Variants in PSD2 observed in about 807,000 individuals in gnomAD.
PSD2 encodes the protein PH and SEC7 domain-containing protein 2.
PSD2 carries 38 observed loss-of-function variants against 69.8 expected under a neutral mutation model. That is an observed-to-expected ratio of 0.54 (90% confidence interval 0.42 to 0.71). The LOEUF is 0.71. Ranked by LOEUF, PSD2 falls within the 30% of genes least tolerant of loss-of-function variation. PSD2 has a pLI of 0.00. For synonymous variants in PSD2, 412 were observed against 423.0 expected, an observed-to-expected ratio of 0.97 and a Z score of 0.32; for missense variants, 943 against 1,014.5, an observed-to-expected ratio of 0.93 and a Z score of 0.96.
At chr5:139,801,833 C>T (rs1258677386) in intron 1 of PSD2, among the ~76,000 whole-genome samples, 1 of 152,210 alleles carries the variant, frequency 6.6e-6, no homozygotes, top group African/African-American at 2.4e-5. Context: ...GCAACTCCAT[C>T]CTTCTAGTTG....
At chr5:139,783,929 T>C in the PSD2 span, among the ~76,000 whole-genome samples, 1 of 146,218 alleles carries the variant, frequency 6.8e-6, no homozygotes, top group African/African-American at 2.5e-5. Flanking sequence ...TTCCCCTTTC[T>C]CCTTCTGCTA....
intron 1 of PSD2, among the ~76,000 whole-genome samples, chr5:139,796,283 G>A (rs1171250430): frequency 1.3e-5 from 2 of 152,118 alleles, no homozygotes; most frequent in African/African-American, 2.4e-5. Flanking sequence ...CTGCCGGGCC[G>A]ATTGTCTCCC....
At chr5:139,799,265 A>G (rs947162229) in intron 1 of PSD2, among the ~76,000 whole-genome samples, 13 of 152,168 alleles carry the variant, frequency 8.5e-5, no homozygotes, top group African/African-American at 3.1e-4. Context: ...TCTGCGCACC[A>G]GGTCAGCAAA....
chr5:139,767,710 A>C, the PSD2 span, among the ~76,000 whole-genome samples: 6 of 152,246 alleles, frequency 3.9e-5, no homozygotes, highest in Non-Finnish European at 7.3e-5. Context: ...CAGTCAGATG[A>C]GGATGATATT....
the PSD2 span, among the ~76,000 whole-genome samples, chr5:139,768,394 G>C: frequency 6.6e-6 from 1 of 152,152 alleles, no homozygotes; most frequent in Non-Finnish European, 1.5e-5. Context: ...CCCACTCACT[G>C]CCCTCTGTTT....
the PSD2 span, among the ~76,000 whole-genome samples, chr5:139,766,910 TTCCTTCCTTCCTTCCTTCCC>T: frequency 0.2 from 10,214 of 50,306 alleles, 1,418 homozygotes; most frequent in South Asian, 0.27. Context: ...TTTCCCTCCC[TTCCTTCCTTCCTTCCTTCCC>T]TTCTTTCTTT....
chr5:139,760,669 T>C, the PSD2 span, among the ~76,000 whole-genome samples: 7 of 152,130 alleles, frequency 4.6e-5, 1 homozygote, highest in Admixed American at 4.6e-4. Flanking sequence ...CCAGGCAGGC[T>C]CCTGGCACCC....
chr5:139,824,919 A>G (rs1760377823), intron 7 of PSD2, among the ~76,000 whole-genome samples: 1 of 151,912 alleles, frequency 6.6e-6, no homozygotes, highest in Admixed American at 6.5e-5. Context: ...GAGTCCCCAC[A>G]AAAAGAGCTC....
intron 8 of PSD2, among the ~76,000 whole-genome samples, chr5:139,834,522 A>G (rs1336370428): frequency 6.6e-6 from 1 of 151,566 alleles, no homozygotes; most frequent in African/African-American, 2.4e-5. Context: ...GCTGGTCACA[A>G]ACTCCTGGGC....
At chr5:139,783,922 C>CCCTTTCT in the PSD2 span, among the ~76,000 whole-genome samples, 4 of 133,746 alleles carry the variant, frequency 3.0e-5, no homozygotes, top group South Asian at 2.5e-4. Context: ...CTCCCCTTTC[C>CCCTTTCT]CCTTTCTCCT....
chr5:139,809,279 G>A, intron 1 of PSD2, 112 bp from the exon 2 acceptor site: 1 of 805,370 alleles, frequency 1.2e-6, no homozygotes, highest in South Asian at 1.8e-5. Flanking sequence ...AGGTCATCTT[G>A]GCCATCTCCC....
At chr5:139,788,056 A>C in the PSD2 span, among the ~76,000 whole-genome samples, 1 of 152,178 alleles carries the variant, frequency 6.6e-6, no homozygotes, top group African/African-American at 2.4e-5. Context: ...TTCCTTTCAG[A>C]GTGCGGGCGA....
the PSD2 span, among the ~76,000 whole-genome samples, chr5:139,789,617 T>G: frequency 6.6e-6 from 1 of 151,826 alleles, no homozygotes; most frequent in Non-Finnish European, 1.5e-5. Flanking sequence ...AGAAACTCAC[T>G]CAACAAACTA....
chr5:139,805,449 A>G (rs773262357), intron 1 of PSD2, among the ~76,000 whole-genome samples: 1 of 152,212 alleles, frequency 6.6e-6, no homozygotes, highest in Non-Finnish European at 1.5e-5. Flanking sequence ...TGTGCCAAGC[A>G]TTGCACTGGA....
the PSD2 span, among the ~76,000 whole-genome samples, chr5:139,755,086 G>A: frequency 6.6e-6 from 1 of 152,122 alleles, no homozygotes; most frequent in Non-Finnish European, 1.5e-5. Flanking sequence ...TTTTATAGAC[G>A]AACAAAACTG....
intron 6 of PSD2, 104 bp from the exon 7 acceptor site, chr5:139,822,622 C>A: frequency 1.0e-6 from 1 of 1,003,046 alleles, no homozygotes; most frequent in Non-Finnish European, 1.4e-6. Flanking sequence ...GGCAGGCGGC[C>A]GGCCTCCCTC....
At chr5:139,765,290 C>T in the PSD2 span, among the ~76,000 whole-genome samples, 1 of 152,116 alleles carries the variant, frequency 6.6e-6, no homozygotes, top group African/African-American at 2.4e-5. Context: ...GCACTCAGGG[C>T]CCCCGTTACC....
intron 7 of PSD2, among the ~76,000 whole-genome samples, chr5:139,823,271 A>G (rs555140383): frequency 3.3e-5 from 5 of 152,034 alleles, no homozygotes; most frequent in East Asian, 1.9e-4. Flanking sequence ...TCTTTCCTCT[A>G]TCTGCTCCGG....
In PSD2 at chr5:139,833,738, G is replaced by T; in HGVS notation, c.1306G>T (p.Ala436Ser). 1 of 1,614,022 alleles carries T rather than the reference G, an allele frequency of 6.2e-7. No homozygotes were observed. Among genetic ancestry groups the T allele is most frequent in the East Asian group, 2.2e-5 (1 of 44,880 alleles). Residue 436 changes from alanine to serine, a missense_variant, in exon 8 of 15, where the codon GCC (alanine) becomes TCC (serine). Physicochemically the swap from Ala to Ser is moderately conservative, Grantham distance 99 (BLOSUM62 1). Transcript: ENST00000274710. The part of the protein sequence containing the change: ...GKKMSCQQFI[A>S]NLDQLNDGQD... Reference sequence around the variant, plus strand: ...AAAGATGTCCTGTCAGCAATTCATTGCCAACTTGGACCAGCTGAATGATGG... The same window carrying T: ...AAAGATGTCCTGTCAGCAATTCATTTCCAACTTGGACCAGCTGAATGATGG...
Sources: gnomAD v4.1 joint callset for allele counts (sites outside exome capture counted in the v4.1 genomes callset) on GRCh38, gnomAD v4.1.1 for gene constraint, MANE v1.5 for transcripts, NCBI Gene and HGNC (gene_info 2026-07-23, HGNC 2026-07-21) for gene names.